UMAD1: variants seen among roughly 807,000 people sequenced by gnomAD.
UMAD1 encodes UBAP1-MVB12-associated (UMA)-domain containing protein 1.
In UMAD1, 8 loss-of-function variants were observed where a neutral mutation model predicts 6.1. The observed-to-expected ratio is 1.30, with a 90% CI of 0.76 to 2.35. The LOEUF (loss-of-function observed/expected upper bound fraction) is 2.35, where lower values mean the gene tolerates loss of function less well. Ranked by LOEUF, UMAD1 falls within the 30% of genes most tolerant of loss-of-function variation. The probability of loss-of-function intolerance (pLI) is 0.00; values close to 1 mark genes in which losing one functional copy is unlikely to be tolerated. For missense variants in UMAD1, 130 were observed against 78.4 expected (o/e 1.66, Z -2.49); for synonymous variants, 56 against 31.4 (o/e 1.78, Z -2.61).
intron 1 of UMAD1, among the ~76,000 whole-genome samples, chr7:7,654,159 C>G (rs1391701502): frequency 1.3e-5 from 2 of 152,192 alleles, no homozygotes; most frequent in Non-Finnish European, 2.9e-5. Context: ...AAAACAAACA[C>G]AGATCCTTAA....
At chr7:7,661,853 C>T (rs1785482723) in intron 1 of UMAD1, among the ~76,000 whole-genome samples, 1 of 152,182 alleles carries the variant, frequency 6.6e-6, no homozygotes, top group Non-Finnish European at 1.5e-5. Flanking sequence ...AGATGTACTG[C>T]TTTCTTCAGA....
chr7:7,830,473 C>T lies in UMAD1; in HGVS notation c.156+28730C>T, dbSNP rs1783441355. Reference sequence around the variant, plus strand: ...GGTAAAAAATTATATGTTTTGGTTTCTCTCTTTTGTATCTTTCTCTTTCTT... The same window carrying T: ...GGTAAAAAATTATATGTTTTGGTTTTTCTCTTTTGTATCTTTCTCTTTCTT... On this transcript the variant is annotated intron_variant, in intron 3 of 3. Coordinates refer to ENST00000682710, the MANE Select transcript of UMAD1 (RefSeq NM_001302348.2). This position sits in a 1 kb window ranked among gnomAD's most constrained non-coding sequence, Gnocchi z 5.3. 6.6e-6 allele frequency among the ~76,000 whole-genome samples: 1 copy of T among 152,040 alleles called. No individual in the cohort carries two copies.
At chr7:7,717,767 C>T (rs937252858) in intron 2 of UMAD1, among the ~76,000 whole-genome samples, 4 of 152,086 alleles carry the variant, frequency 2.6e-5, no homozygotes, top group African/African-American at 9.7e-5. Flanking sequence ...GGAACTCTGG[C>T]CTGGATGAGA....
At chr7:7,728,938 C>A (rs1669287121) in intron 2 of UMAD1, among the ~76,000 whole-genome samples, 1 of 152,098 alleles carries the variant, frequency 6.6e-6, no homozygotes, top group African/African-American at 2.4e-5. Flanking sequence ...AACTGACAGT[C>A]CAGTTGTAGA....
intron 3 of UMAD1, among the ~76,000 whole-genome samples, chr7:7,857,886 C>T (rs1337308888): frequency 6.6e-6 from 1 of 152,186 alleles, no homozygotes; most frequent in African/African-American, 2.4e-5. Context: ...AATCTATAAC[C>T]CTTTCTGAAA....
intron 2 of UMAD1, among the ~76,000 whole-genome samples, chr7:7,798,751 G>T (rs1186879980): frequency 6.6e-6 from 1 of 152,146 alleles, no homozygotes; most frequent in African/African-American, 2.4e-5. Flanking sequence ...GAGATGTCAA[G>T]AGACTGGGTT....
chr7:7,801,140 A>G (rs1309314876), intron 2 of UMAD1, among the ~76,000 whole-genome samples: 2 of 152,218 alleles, frequency 1.3e-5, no homozygotes, highest in Non-Finnish European at 2.9e-5. Context: ...TAGGAATCAA[A>G]GTATTAAGTG....
rs139025326 is a variant in UMAD1, at chr7:7,809,439, G to A, written c.156+7696G>A. Among the ~76,000 whole-genome samples, 125 of 151,878 alleles carry A rather than the reference G, an allele frequency of 8.2e-4. 2 individuals are homozygous for A. Among genetic ancestry groups the A allele is most frequent in the Admixed American group, 6.2e-3 (94 of 15,270 alleles). ...TATTTTTAATGGACAAGTAATAATT[G>A]CATGTATTTATGGGGTACGGTGTGA... On this transcript the variant is annotated intron_variant, in intron 3 of 3. Coordinates refer to ENST00000682710, the MANE Select transcript of UMAD1 (RefSeq NM_001302348.2).
rs558181620 is a variant in UMAD1 at position 7,645,166 on chromosome 7, A to G, written c.-64+4345A>G. On this transcript the variant is annotated intron_variant, in intron 1 of 3. Transcript: ENST00000682710. ...TTTTGGAATTTTCTATTCATATTTG[A>G]ATAATTATAGTTTTGTTTCTTAAGA... Among the ~76,000 whole-genome samples, 10 of 152,194 alleles carry G rather than the reference A, an allele frequency of 6.6e-5. 1 individual carries two copies. Among genetic ancestry groups the G allele is most frequent in the African/African-American group, 2.4e-4 (10 of 41,530 alleles).
intron 3 of UMAD1, among the ~76,000 whole-genome samples, chr7:7,842,283 T>C (rs889707717): frequency 6.6e-6 from 1 of 152,186 alleles, no homozygotes; most frequent in Admixed American, 6.5e-5. Context: ...TAAAAGCAAA[T>C]GATTGTGGAA....
At chr7:7,647,197 A>G (rs1785117969) in intron 1 of UMAD1, among the ~76,000 whole-genome samples, 1 of 152,220 alleles carries the variant, frequency 6.6e-6, no homozygotes, top group Non-Finnish European at 1.5e-5. Context: ...GCAGGTGTAC[A>G]TTAAGTTCTA....
intron 3 of UMAD1, among the ~76,000 whole-genome samples, chr7:7,832,961 G>A (rs1188946911): frequency 6.6e-6 from 1 of 152,144 alleles, no homozygotes; most frequent in Non-Finnish European, 1.5e-5. Flanking sequence ...GAGGGAAAGT[G>A]TTTGTCTGAG....
chr7:7,659,404 C>A lies in UMAD1; in HGVS notation c.-63-13905C>A, dbSNP rs149464291. Among the ~76,000 whole-genome samples, 791 of 152,118 alleles carry A rather than the reference C, an allele frequency of 5.2e-3. 6 individuals are homozygous for A. The highest frequency in any genetic ancestry group is 0.052 in the Middle Eastern group (15 of 290). Reference sequence around the variant, plus strand: ...TCTTTTAATTATGACGTTAGGGTGTCGATTTTAGATCTTTCCCACTTTCTC... The same window carrying A: ...TCTTTTAATTATGACGTTAGGGTGTAGATTTTAGATCTTTCCCACTTTCTC... On this transcript the variant is annotated intron_variant, in intron 1 of 3. Transcript: ENST00000682710.
At chr7:7,768,429 C>T (rs1378183048) in intron 2 of UMAD1, among the ~76,000 whole-genome samples, 4 of 152,194 alleles carry the variant, frequency 2.6e-5, no homozygotes, top group Non-Finnish European at 5.9e-5. Context: ...CCGTTCTGAA[C>T]TCCACACACT....
At position 7,878,670 on chromosome 7, in the gene UMAD1, GTTTTAAGTATAT is replaced by G. The variant is rs1009111405; in HGVS notation, c.*1137_*1148del. On this transcript the variant is annotated 3_prime_UTR_variant, in exon 4 of 4. Transcript: ENST00000682710. The stretch of plus-strand genomic sequence containing the variant: ...ATATGATTTGTTAACTCTGTGCCAA[GTTTTAAGTATAT>G]TTTTTCACAAAGATAGAGTGCCATA... 3 of 152,146 alleles carry G rather than the reference GTTTTAAGTATAT, an allele frequency of 2.0e-5. No individual in the cohort carries two copies. The highest frequency in any genetic ancestry group is 2.9e-5 in the Non-Finnish European group (2 of 68,010). The allele number at this position is 152,146 out of a possible 1,614,324, so 9.4% of individuals were successfully genotyped here.
intron 1 of UMAD1, among the ~76,000 whole-genome samples, chr7:7,666,061 G>A (rs923885323): frequency 1.3e-5 from 2 of 152,074 alleles, no homozygotes; most frequent in African/African-American, 4.8e-5. Flanking sequence ...ATATGTTTAT[G>A]TTTTTAAGAA....
chr7:7,673,204 C>T (rs1489388123), intron 1 of UMAD1, 105 bp from the exon 2 acceptor site: 3 of 774,576 alleles, frequency 3.9e-6, no homozygotes, highest in Non-Finnish European at 6.6e-6. Flanking sequence ...CATAGAATTC[C>T]TAAGAGTAAC....
At chr7:7,760,584 G>T (rs1291664067) in intron 2 of UMAD1, among the ~76,000 whole-genome samples, 2 of 152,038 alleles carry the variant, frequency 1.3e-5, no homozygotes, top group East Asian at 3.9e-4. Flanking sequence ...CCTCTCCCCA[G>T]AATATACTAC....
intron 2 of UMAD1, among the ~76,000 whole-genome samples, chr7:7,796,769 A>G (rs975243853): frequency 5.3e-5 from 8 of 152,272 alleles, no homozygotes; most frequent in Non-Finnish European, 1.2e-4. Context: ...CCAAATCAGC[A>G]AGAGAATACC....
Sources: gnomAD v4.1 joint callset for allele counts (sites outside exome capture counted in the v4.1 genomes callset) on GRCh38, gnomAD v4.1.1 for gene constraint, Gnocchi (gnomAD v3.1) non-coding constraint, MANE v1.5 for transcripts, NCBI Gene and HGNC (gene_info 2026-07-23, HGNC 2026-07-21) for gene names.